ZNF257: variants seen among roughly 807,000 people sequenced by gnomAD.
ZNF257 encodes bone marrow zinc finger 4.
A neutral mutation model predicts 11.9 loss-of-function variants in ZNF257; 12 were observed. That is an observed-to-expected ratio of 1.01 (90% CI 0.65 to 1.63). The LOEUF (loss-of-function observed/expected upper bound fraction) is 1.63. Among genes scored for constraint, ZNF257 ranks in the 40% most tolerant of loss-of-function variants. The pLI is 0.00. For synonymous variants in ZNF257, 183 were observed against 222.7 expected (o/e 0.82, Z 1.59); for missense variants, 580 against 665.5 (o/e 0.87, Z 1.41).
At chr19:22,064,209 A>T (rs1202531604) in intron 1 of ZNF257, 1 of 152,154 alleles carries the variant, frequency 6.6e-6, no homozygotes, top group Non-Finnish European at 1.5e-5. Context: ...AAAAAAATAT[A>T]AATTAGAAAT....
rs942631832 is a variant in ZNF257, at chr19:22,084,266, AATT to A, written c.227-3705_227-3703del. Reference sequence around the variant, plus strand: ...TATTGGCTTTCCGTAACAATGCTACAATTATTATGGGTATGTAAATGACTCTTT... The same window carrying A: ...TATTGGCTTTCCGTAACAATGCTACAATTATGGGTATGTAAATGACTCTTT... On this transcript the variant is annotated intron_variant, in intron 3 of 3. Transcript: ENST00000594947. Among the ~76,000 whole-genome samples, 8 of 152,190 alleles carry A rather than the reference AATT, an allele frequency of 5.3e-5. 1 individual carries two copies. Among genetic ancestry groups the A allele is most frequent in the African/African-American group, 1.9e-4 (8 of 41,428 alleles).
chr19:22,071,150 T>G (rs537438673), intron 1 of ZNF257, among the ~76,000 whole-genome samples: 1 of 152,214 alleles, frequency 6.6e-6, no homozygotes, highest in East Asian at 1.9e-4. Context: ...CTGTTTGGGT[T>G]TGGGAGAGAC....
intron 3 of ZNF257, among the ~76,000 whole-genome samples, chr19:22,084,793 G>A (rs141236879): frequency 6.7e-6 from 1 of 150,356 alleles, no homozygotes; most frequent in East Asian, 2.0e-4. Context: ...GTGCAGTGGA[G>A]TGATCTCGGC....
chr19:22,083,035 G>T (rs1488699295), intron 3 of ZNF257, among the ~76,000 whole-genome samples: 2 of 152,054 alleles, frequency 1.3e-5, no homozygotes, highest in African/African-American at 4.8e-5. Flanking sequence ...GTGAAAGGTT[G>T]TTTAATCCTG....
chr19:22,084,588 A>G (rs2022432098), intron 3 of ZNF257, among the ~76,000 whole-genome samples: 1 of 151,964 alleles, frequency 6.6e-6, no homozygotes, highest in Non-Finnish European at 1.5e-5. Context: ...ATAAACATCT[A>G]TACAATATTA....
rs140163563 is a variant in ZNF257, at chr19:22,058,945, A to G, written c.3+6310A>G. Among the ~76,000 whole-genome samples the G allele has an allele frequency of 2.5e-3, 382 of 152,148 alleles. 1 individual carries two copies. Among genetic ancestry groups the G allele is most frequent in the African/African-American group, 8.9e-3 (369 of 41,524 alleles). On this transcript the variant is annotated intron_variant, in intron 1 of 3. Transcript: ENST00000594947. Reference sequence around the variant, plus strand: ...CACAAGTGTCTACAAGTCTCCTGGCATATCCTCACCCCTAGACACTGAATC... The same window carrying G: ...CACAAGTGTCTACAAGTCTCCTGGCGTATCCTCACCCCTAGACACTGAATC...
chr19:22,073,266 T>G (rs2022147900), intron 2 of ZNF257, among the ~76,000 whole-genome samples: 1 of 152,108 alleles, frequency 6.6e-6, no homozygotes, highest in South Asian at 2.1e-4. Context: ...ACCACCAATT[T>G]TTTTATTCAG....
rs766778974 is a variant in ZNF257 at position 22,091,382 on chromosome 19, C to T, written c.*1940C>T. 1 of 150,620 alleles carries T rather than the reference C, an allele frequency of 6.6e-6. No individual in the cohort carries two copies. Among genetic ancestry groups the T allele is most frequent in the Non-Finnish European group, 1.5e-5 (1 of 67,880 alleles). The allele number at this position is 150,620 out of a possible 1,614,324, so 9.3% of individuals were successfully genotyped here. ...GATTGAGGCAAGAGAATCACGTGTA[C>T]CCAGGAGGCAGAGGTTGCAGTGAGC... On this transcript the variant is annotated 3_prime_UTR_variant, in exon 4 of 4. Coordinates refer to ENST00000594947, the MANE Select transcript of ZNF257 (RefSeq NM_033468.4).
intron 1 of ZNF257, among the ~76,000 whole-genome samples, chr19:22,054,363 G>A (rs562804536): frequency 4.5e-4 from 68 of 152,130 alleles, no homozygotes; most frequent in African/African-American, 1.5e-3. Context: ...AGCCGCGTCC[G>A]GCCTTTTCCG....
chr19:22,062,300 A>G (rs1178803002), intron 1 of ZNF257, among the ~76,000 whole-genome samples: 3 of 102,050 alleles, frequency 2.9e-5, no homozygotes, highest in Non-Finnish European at 5.8e-5. Context: ...TTTTTTTTGT[A>G]TTTTTCGTAG....
At chr19:22,083,150 G>T (rs2022397399) in intron 3 of ZNF257, among the ~76,000 whole-genome samples, 1 of 152,050 alleles carries the variant, frequency 6.6e-6, no homozygotes, top group East Asian at 1.9e-4. Flanking sequence ...TTCTGTGAAA[G>T]AAATACTTTT....
rs760078342 is a variant in ZNF257 at position 22,088,360 on chromosome 19, G to A, written c.610G>A (p.Glu204Lys). Residue 204 changes from glutamate (E) to lysine (K), a missense_variant, in exon 4 of 4, where the codon GAA becomes AAA. Glu to Lys is a moderately conservative substitution (Grantham distance 56). Transcript: ENST00000594947. Reference protein sequence around the residue: ...IHIRENSHKCEECGKAFNQSS... With the variant: ...IHIRENSHKCKECGKAFNQSS... ...TATTAGAGAGAATTCCCACAAATGT[G>A]AAGAATGTGGCAAAGCCTTTAACCA... 9.3e-6 allele frequency: 15 copies of A among 1,613,588 alleles called. No individual in the cohort carries two copies. Among genetic ancestry groups the A allele is most frequent in the Non-Finnish European group, 1.3e-5 (15 of 1,179,830 alleles).
At chr19:22,084,169 G>A (rs991041984) in intron 3 of ZNF257, among the ~76,000 whole-genome samples, 1 of 151,352 alleles carries the variant, frequency 6.6e-6, no homozygotes, top group African/African-American at 2.4e-5. Flanking sequence ...ACTGAGTGAT[G>A]TTCCAGTATT....
chr19:22,054,577 A>C (rs1270262984), intron 1 of ZNF257, among the ~76,000 whole-genome samples: 3 of 152,192 alleles, frequency 2.0e-5, no homozygotes, highest in Non-Finnish European at 4.4e-5. Flanking sequence ...TTTATACCAT[A>C]TTTTAATCAT....
chr19:22,075,825 A>G (rs1303100601), intron 3 of ZNF257: 8 of 152,216 alleles, frequency 5.3e-5, no homozygotes. Context: ...TCCAACCTTA[A>G]TATACCATGT....
chr19:22,085,379 G>A (rs1200929060), intron 3 of ZNF257, among the ~76,000 whole-genome samples: 1 of 152,082 alleles, frequency 6.6e-6, no homozygotes, highest in Non-Finnish European at 1.5e-5. Flanking sequence ...CAAAATTTTA[G>A]TTTTAAAACA....
chr19:22,083,130 T>G (rs1374959442), intron 3 of ZNF257, among the ~76,000 whole-genome samples: 4 of 152,176 alleles, frequency 2.6e-5, no homozygotes, highest in Non-Finnish European at 5.9e-5. Flanking sequence ...TTCATGAATC[T>G]ATATTATTTT....
intron 3 of ZNF257, among the ~76,000 whole-genome samples, chr19:22,078,670 A>G (rs897569492): frequency 6.6e-6 from 1 of 151,834 alleles, no homozygotes; most frequent in Non-Finnish European, 1.5e-5. Flanking sequence ...TTTTTCTTCT[A>G]TATTTCTAAA....
intron 1 of ZNF257, among the ~76,000 whole-genome samples, chr19:22,062,075 T>G (rs929905957): frequency 1.3e-5 from 2 of 151,608 alleles, no homozygotes; most frequent in Non-Finnish European, 2.9e-5. Flanking sequence ...TTTTTTTTTT[T>G]TTTGAGACAG....
Sources: allele counts gnomAD v4.1 joint callset (sites outside exome capture counted in the v4.1 genomes callset), GRCh38; gene constraint gnomAD v4.1.1; transcripts MANE v1.5; gene names NCBI Gene and HGNC (gene_info 2026-07-23, HGNC 2026-07-21).